The following ACSL4 variants were observed in gnomAD, a reference collection of about 807,000 sequenced individuals.
The protein encoded by ACSL4 is acyl-CoA synthetase long chain family member 4, also known as long-chain-fatty-acid--CoA ligase 4.
ACSL4 carries 9 observed loss-of-function variants against 49.1 expected under a neutral mutation model. The observed-to-expected ratio is 0.18, with a 90% CI of 0.11 to 0.32. The LOEUF (loss-of-function observed/expected upper bound fraction) is 0.32. Among genes scored for constraint, ACSL4 ranks in the 10% least tolerant of loss-of-function variants. ACSL4 has a pLI of 1.00. For missense variants in ACSL4, 333 were observed against 493.7 expected (o/e 0.67, Z 3.08); for synonymous variants, 191 against 170.3 (o/e 1.12, Z -0.95).
chrX:109,715,111 T>C (rs1248370002), intron 1 of ACSL4, among the ~76,000 whole-genome samples: 3 of 111,670 alleles, frequency 2.7e-5, no homozygotes, highest in Admixed American at 9.6e-5. Flanking sequence ...GATCACCGTA[T>C]TTTGTTTTAT....
At chrX:109,661,453 T>G (rs1922169675) in intron 14 of ACSL4, 78 bp downstream of exon 14, 1 of 720,916 alleles carries the variant, frequency 1.4e-6, no homozygotes, top group Admixed American at 2.3e-5. Context: ...TATGTTACCC[T>G]TATGATAATA....
intron 1 of ACSL4, among the ~76,000 whole-genome samples, chrX:109,701,261 G>C (rs2147493743): frequency 9.2e-6 from 1 of 108,333 alleles, no homozygotes; most frequent in South Asian, 4.1e-4. Context: ...CTGTCACCCA[G>C]ACTGGAATGC....
At chrX:109,715,459 C>T (rs899388413) in intron 1 of ACSL4, among the ~76,000 whole-genome samples, 3 of 109,447 alleles carry the variant, frequency 2.7e-5, no homozygotes, top group African/African-American at 3.3e-5. Flanking sequence ...GTCAAGAAGG[C>T]GAAACCCTGT....
chrX:109,651,287 TA>T (rs1315264678), intron 15 of ACSL4, among the ~76,000 whole-genome samples: 3 of 111,777 alleles, frequency 2.7e-5, no homozygotes, highest in African/African-American at 6.5e-5. Flanking sequence ...CGCACATTTT[TA>T]AAAACTACTA....
intron 15 of ACSL4, among the ~76,000 whole-genome samples, chrX:109,654,077 C>T (rs1176903765): frequency 9.1e-6 from 1 of 109,352 alleles, no homozygotes; most frequent in Non-Finnish European, 1.9e-5. Flanking sequence ...ATGGAGTATA[C>T]AAGATTCGTG....
chrX:109,650,532 TGG>T (rs1483801161), intron 15 of ACSL4, among the ~76,000 whole-genome samples: 2 of 22,208 alleles, frequency 9.0e-5, no homozygotes, highest in Admixed American at 5.6e-4. Flanking sequence ...TGTTGTGGGG[TGG>T]GGGGAAGGGG....
chrX:109,674,330 TA>T, intron 9 of ACSL4, 71 bp downstream of exon 9: 2 of 893,181 alleles, frequency 2.2e-6, no homozygotes, highest in Non-Finnish European at 3.3e-6. Context: ...TATTACTTTT[TA>T]AAAGGTCCAA....
chrX:109,709,838 G>A (rs1926625929), intron 1 of ACSL4, among the ~76,000 whole-genome samples: 1 of 112,084 alleles, frequency 8.9e-6, no homozygotes, highest in Non-Finnish European at 1.9e-5. Flanking sequence ...CGGGTGCGGT[G>A]GCTCACGCCT....
chrX:109,684,739 A>G (rs1407408692), intron 2 of ACSL4, among the ~76,000 whole-genome samples: 1 of 111,826 alleles, frequency 8.9e-6, no homozygotes, highest in Non-Finnish European at 1.9e-5. Flanking sequence ...TGTGGAGATT[A>G]GATTTAAGCT....
At chrX:109,690,758 A>T (rs1265069988) in intron 2 of ACSL4, among the ~76,000 whole-genome samples, 25 of 73,259 alleles carry the variant, frequency 3.4e-4, no homozygotes, top group African/African-American at 1.1e-3. Context: ...AAGACATTTT[A>T]GGGGGGGGGG....
chrX:109,647,087 C>T (rs1244613221), intron 15 of ACSL4, among the ~76,000 whole-genome samples: 2 of 111,112 alleles, frequency 1.8e-5, no homozygotes, highest in African/African-American at 6.5e-5. Context: ...GACTTTAACA[C>T]CCCACTGTCA....
At chrX:109,711,714 T>C (rs1386541512) in intron 1 of ACSL4, among the ~76,000 whole-genome samples, 2 of 111,592 alleles carry the variant, frequency 1.8e-5, no homozygotes, top group East Asian at 5.6e-4. Context: ...AAATGAAATG[T>C]GTAGAAAGCC....
intron 1 of ACSL4, among the ~76,000 whole-genome samples, chrX:109,711,248 T>A (rs945269621): frequency 4.4e-5 from 5 of 112,365 alleles, no homozygotes; most frequent in Non-Finnish European, 9.4e-5. Flanking sequence ...CAAACCTGTA[T>A]TTCTAAACTA....
intron 8 of ACSL4, among the ~76,000 whole-genome samples, chrX:109,675,224 T>C (rs6655222): frequency 1.7e-4 from 19 of 113,010 alleles, no homozygotes; most frequent in African/African-American, 5.8e-4. Context: ...GGAGTTGCCC[T>C]CTGCATGCTA....
At chrX:109,711,168 T>C (rs965740054) in intron 1 of ACSL4, among the ~76,000 whole-genome samples, 4 of 112,893 alleles carry the variant, frequency 3.5e-5, no homozygotes, top group African/African-American at 1.3e-4. Context: ...TTGGAAAATA[T>C]GTGTCAATAG....
chrX:109,703,315 A>G (rs1195609600), intron 1 of ACSL4, among the ~76,000 whole-genome samples: 2 of 111,672 alleles, frequency 1.8e-5, no homozygotes, highest in Non-Finnish European at 3.8e-5. Context: ...ATGAAAAAAC[A>G]TTAGATTAAC....
chrX:109,712,351 C>G (rs566057590), intron 1 of ACSL4, among the ~76,000 whole-genome samples: 10 of 111,935 alleles, frequency 8.9e-5, no homozygotes, highest in African/African-American at 3.3e-4. Context: ...CCTCCCACCT[C>G]TGCCTCCCAA....
In ACSL4 at chrX:109,681,105, T is replaced by C. The variant is rs373868020; in HGVS notation, c.548A>G (p.His183Arg). The change falls in exon 6 of 16, where the codon CAT (histidine) becomes CGT (arginine). Residue 183 changes from histidine (H) to arginine (R), a missense_variant. His to Arg is a conservative substitution (Grantham distance 29, BLOSUM62 0). This residue lies in a region of ACSL4 where 157 missense variants were observed against 201.1 expected (regional missense o/e 0.78). Coordinates refer to ENST00000672401, the MANE Select transcript of ACSL4 (RefSeq NM_001318510.2). ...AGCCTTATTGTCCACATAAATGATA[T>C]GTTTAACACAACTGATATCTAACAA... ...TALLDISCVK[H>R]IIYVDNKAIN... 3.3e-6 allele frequency: 4 copies of C among 1,208,975 alleles called. No homozygotes were observed. Among genetic ancestry groups the C allele is most frequent in the Non-Finnish European group, 4.5e-6 (4 of 894,607 alleles).
chrX:109,713,609 A>T (rs902706863), intron 1 of ACSL4, among the ~76,000 whole-genome samples: 4 of 111,689 alleles, frequency 3.6e-5, no homozygotes, highest in African/African-American at 9.8e-5. Context: ...GTCGTTCAAC[A>T]TAATATACAT....
Sources: allele counts gnomAD v4.1 joint callset (sites outside exome capture counted in the v4.1 genomes callset), GRCh38; gene constraint gnomAD v4.1.1; regional missense constraint gnomAD v4.1.1; transcripts MANE v1.5; gene names NCBI Gene and HGNC (gene_info 2026-07-23, HGNC 2026-07-21).